The following PABPC4L variants were observed in gnomAD, a reference collection of about 807,000 sequenced individuals.
The protein encoded by PABPC4L is polyadenylate-binding protein 4-like.
For missense variants in PABPC4L, 452 were observed against 451.4 expected, an observed-to-expected ratio of 1.00 and a Z score of -0.01; for synonymous variants, 169 against 164.1, an observed-to-expected ratio of 1.03 and a Z score of -0.23.
At chr4:134,134,680 A>T in the PABPC4L span, among the ~76,000 whole-genome samples, 1 of 148,924 alleles carries the variant, frequency 6.7e-6, no homozygotes, top group Admixed American at 6.7e-5. Context: ...ATAAATAAAT[A>T]AATGTAATAT....
chr4:134,179,847 A>C, the PABPC4L span, among the ~76,000 whole-genome samples: 1 of 152,154 alleles, frequency 6.6e-6, no homozygotes, highest in African/African-American at 2.4e-5. Flanking sequence ...ACTATCCTGC[A>C]CATATACACA....
chr4:134,011,657 A>C, the PABPC4L span, among the ~76,000 whole-genome samples: 1 of 152,066 alleles, frequency 6.6e-6, no homozygotes, highest in African/African-American at 2.4e-5. Context: ...AACTAAACAA[A>C]TTTTTATTTA....
the PABPC4L span, among the ~76,000 whole-genome samples, chr4:134,043,004 G>A: frequency 6.6e-6 from 1 of 151,938 alleles, no homozygotes; most frequent in East Asian, 1.9e-4. Context: ...GTCTTTTCTT[G>A]TATTTTGCAT....
At chr4:134,059,908 G>C in the PABPC4L span, among the ~76,000 whole-genome samples, 3 of 152,064 alleles carry the variant, frequency 2.0e-5, no homozygotes, top group Non-Finnish European at 4.4e-5. Flanking sequence ...ACAGTACCTG[G>C]TTTTAACTTC....
chr4:134,005,830 C>T, the PABPC4L span, among the ~76,000 whole-genome samples: 1 of 151,558 alleles, frequency 6.6e-6, no homozygotes. Context: ...ACATTTTACT[C>T]GCCATCTGAA....
At chr4:134,070,415 AC>A in the PABPC4L span, among the ~76,000 whole-genome samples, 19 of 152,008 alleles carry the variant, frequency 1.2e-4, no homozygotes, top group Non-Finnish European at 2.8e-4. Flanking sequence ...GGGGTGGTGA[AC>A]TGGCCTGTGC....
the PABPC4L span, among the ~76,000 whole-genome samples, chr4:134,079,679 G>A: frequency 6.6e-6 from 1 of 150,884 alleles, no homozygotes; most frequent in Non-Finnish European, 1.5e-5. Flanking sequence ...GTCTGTGTGT[G>A]TGTGTGTCTG....
At position 134,197,445 on chromosome 4, in the gene PABPC4L, T is replaced by G. The variant is rs2125707730; in HGVS notation, c.*2462A>C. On this transcript the variant is annotated 3_prime_UTR_variant, in exon 2 of 2. Coordinates refer to ENST00000421491, the MANE Select transcript of PABPC4L (RefSeq NM_001114734.2). ...ATATATGTATTTAAAGTGTTCAAAA[T>G]ATTTTGAAGCATGACATCAAAGCCA... 1 of 151,826 alleles carries G rather than the reference T, an allele frequency of 6.6e-6. No homozygotes were observed. The highest frequency in any genetic ancestry group is 1.5e-5 in the Non-Finnish European group (1 of 67,642). 9.4% of individuals were successfully genotyped at this position (151,826 alleles called of 1,614,324 possible).
chr4:134,183,438 A>G, the PABPC4L span, among the ~76,000 whole-genome samples: 1 of 151,796 alleles, frequency 6.6e-6, no homozygotes, highest in African/African-American at 2.4e-5. Context: ...AGGGAACAAC[A>G]GACACGGGGG....
At chr4:133,982,144 C>T in the PABPC4L span, among the ~76,000 whole-genome samples, 533 of 151,946 alleles carry the variant, frequency 3.5e-3, 5 homozygotes, top group African/African-American at 0.012. Flanking sequence ...CCTATAAAAA[C>T]GTAATGGAAA....
At chr4:134,095,998 A>C in the PABPC4L span, among the ~76,000 whole-genome samples, 1 of 151,834 alleles carries the variant, frequency 6.6e-6, no homozygotes. Flanking sequence ...ATTATTTCTC[A>C]ATGTTTATTA....
the PABPC4L span, among the ~76,000 whole-genome samples, chr4:134,039,787 T>C: frequency 6.6e-6 from 1 of 152,094 alleles, no homozygotes; most frequent in Admixed American, 6.6e-5. Context: ...TCTGCCAGTC[T>C]TTGTTTTTTA....
the PABPC4L span, among the ~76,000 whole-genome samples, chr4:134,032,925 G>T: frequency 1.7e-4 from 25 of 151,458 alleles, no homozygotes; most frequent in Admixed American, 1.1e-3. Context: ...AACAAATACT[G>T]ACTGGTTAGG....
chr4:133,989,609 C>T, the PABPC4L span, among the ~76,000 whole-genome samples: 1 of 152,090 alleles, frequency 6.6e-6, no homozygotes, highest in Non-Finnish European at 1.5e-5. Flanking sequence ...CTGAGCCCTC[C>T]AAGTCTTTAG....
At chr4:133,997,602 G>C in the PABPC4L span, among the ~76,000 whole-genome samples, 801 of 152,192 alleles carry the variant, frequency 5.3e-3, 6 homozygotes, top group African/African-American at 0.016. Flanking sequence ...TCCCACTCTA[G>C]AAGCCATTAA....
the PABPC4L span, among the ~76,000 whole-genome samples, chr4:134,183,741 A>G: frequency 6.6e-6 from 1 of 152,128 alleles, no homozygotes; most frequent in South Asian, 2.1e-4. Context: ...GAATAAAACT[A>G]ATAAAGATAT....
chr4:133,975,549 G>A, the PABPC4L span, among the ~76,000 whole-genome samples: 3 of 151,982 alleles, frequency 2.0e-5, no homozygotes, highest in East Asian at 5.8e-4. Flanking sequence ...TTTTTAGTCA[G>A]AAAAACACAT....
At chr4:134,076,847 G>A in the PABPC4L span, among the ~76,000 whole-genome samples, 48 of 152,114 alleles carry the variant, frequency 3.2e-4, no homozygotes, top group East Asian at 2.1e-3. Flanking sequence ...GTGAATGTGC[G>A]TATATGTGTA....
the PABPC4L span, among the ~76,000 whole-genome samples, chr4:133,968,175 G>T: frequency 6.6e-6 from 1 of 152,274 alleles, no homozygotes; most frequent in South Asian, 2.1e-4. Flanking sequence ...CTAGACCAGA[G>T]AAATTTGCTT....
Sources: gnomAD v4.1 joint callset for allele counts (sites outside exome capture counted in the v4.1 genomes callset) on GRCh38, gnomAD v4.1.1 for gene constraint, MANE v1.5 for transcripts, NCBI Gene and HGNC (gene_info 2026-07-23, HGNC 2026-07-21) for gene names.